The following SIPA1L1 variants were observed in gnomAD, a reference collection of about 807,000 sequenced individuals.
The protein encoded by SIPA1L1 is signal-induced proliferation-associated 1-like protein 1.
SIPA1L1 carries 26 observed loss-of-function variants against 162.7 expected under a neutral mutation model. The ratio of observed to expected loss-of-function variants is 0.16; its 90% CI spans 0.12 to 0.22. The LOEUF is 0.22. Ranked by LOEUF, SIPA1L1 falls within the 10% of genes least tolerant of loss-of-function variation. The pLI, the probability that SIPA1L1 is intolerant of heterozygous loss-of-function variation, is 1.00. For missense variants in SIPA1L1, 1,874 were observed against 2,241.0 expected (o/e 0.84, Z 3.31); for synonymous variants, 829 against 837.4 (o/e 0.99, Z 0.17).
chr14:71,730,816 G>C (rs1359107434), intron 20 of SIPA1L1, among the ~76,000 whole-genome samples: 1 of 152,200 alleles, frequency 6.6e-6, no homozygotes, highest in African/African-American at 2.4e-5. Flanking sequence ...GTTTGTGGAT[G>C]ATGGGTACCT....
At chr14:71,513,704 G>A (rs1253889663) in intron 3 of SIPA1L1, among the ~76,000 whole-genome samples, 1 of 152,066 alleles carries the variant, frequency 6.6e-6, no homozygotes, top group African/African-American at 2.4e-5. Context: ...TGTTGCCTAG[G>A]CTGGTCTCAA....
At chr14:71,374,581 T>C (rs1244823147) in intron 2 of SIPA1L1, among the ~76,000 whole-genome samples, 1 of 151,936 alleles carries the variant, frequency 6.6e-6, no homozygotes, top group African/African-American at 2.4e-5. Context: ...TTAATTTTAG[T>C]AAAGTGGTCA....
intron 12 of SIPA1L1, among the ~76,000 whole-genome samples, chr14:71,674,511 TAAC>T (rs1461738656): frequency 6.6e-6 from 1 of 152,050 alleles, no homozygotes; most frequent in Non-Finnish European, 1.5e-5. Flanking sequence ...TTAATTCTCA[TAAC>T]AACCCTCTCT....
At chr14:71,694,073 T>A (rs748556258) in intron 13 of SIPA1L1, among the ~76,000 whole-genome samples, 3 of 152,194 alleles carry the variant, frequency 2.0e-5, no homozygotes, top group Non-Finnish European at 2.9e-5. Flanking sequence ...CACTTAGAAT[T>A]CCATAGCCAT....
chr14:71,381,196 G>T (rs2039866179), intron 2 of SIPA1L1, among the ~76,000 whole-genome samples: 1 of 152,078 alleles, frequency 6.6e-6, no homozygotes, highest in Non-Finnish European at 1.5e-5. Flanking sequence ...GGGATTACAG[G>T]TGCCCACCAC....
At chr14:71,667,811 A>G (rs2044162043) in intron 10 of SIPA1L1, among the ~76,000 whole-genome samples, 1 of 152,196 alleles carries the variant, frequency 6.6e-6, no homozygotes, top group Non-Finnish European at 1.5e-5. Context: ...CATGCCTGTA[A>G]TCCCAGCAAT....
At chr14:71,419,583 C>T (rs61991253) in intron 2 of SIPA1L1, among the ~76,000 whole-genome samples, 24,319 of 149,688 alleles carry the variant, frequency 0.16, 2,550 homozygotes, top group Middle Eastern at 0.34. Flanking sequence ...CTGCAAGCTC[C>T]GCTTCCCGGG....
chr14:71,703,553 T>A (rs2082237025), intron 15 of SIPA1L1, among the ~76,000 whole-genome samples: 1 of 152,202 alleles, frequency 6.6e-6, no homozygotes, highest in Non-Finnish European at 1.5e-5. Flanking sequence ...TTCTCCACTC[T>A]TATCCTACCC....
chr14:71,667,561 G>C (rs138234540), intron 10 of SIPA1L1, among the ~76,000 whole-genome samples: 432 of 152,286 alleles, frequency 2.8e-3, no homozygotes, highest in Non-Finnish European at 5.0e-3. Flanking sequence ...CCTGTCCTTT[G>C]CCCAGATCTG....
chr14:71,417,469 CAAAAAAAAAAAAAAAA>C (rs58628136), intron 2 of SIPA1L1, among the ~76,000 whole-genome samples: 282 of 17,778 alleles, frequency 0.016, 8 homozygotes, highest in African/African-American at 0.051. Context: ...GACTCCGTCT[CAAAAAAAAAAAAAAAA>C]AAAAAAAAAA....
intron 4 of SIPA1L1, among the ~76,000 whole-genome samples, chr14:71,543,582 C>A (rs1211908172): frequency 6.6e-6 from 1 of 151,992 alleles, no homozygotes; most frequent in African/African-American, 2.4e-5. Context: ...GAACTTTTAG[C>A]TCTTCTGCTG....
intron 2 of SIPA1L1, among the ~76,000 whole-genome samples, chr14:71,488,038 A>C (rs1188274454): frequency 6.6e-6 from 1 of 152,162 alleles, no homozygotes; most frequent in South Asian, 2.1e-4. Context: ...CTATGCTTTC[A>C]CTTCTCATGG....
chr14:71,469,117 A>C (rs534372240), intron 2 of SIPA1L1, among the ~76,000 whole-genome samples: 2 of 151,844 alleles, frequency 1.3e-5, no homozygotes, highest in Non-Finnish European at 1.5e-5. Context: ...AGACCTTACC[A>C]ATCCGCAGAG....
chr14:71,529,812 C>A (rs544534447), intron 4 of SIPA1L1, among the ~76,000 whole-genome samples: 1 of 152,310 alleles, frequency 6.6e-6, no homozygotes, highest in Admixed American at 6.5e-5. Flanking sequence ...CAGAGATGGT[C>A]CTGTAATCCT....
chr14:71,359,447 G>A (rs2051191204), intron 2 of SIPA1L1, among the ~76,000 whole-genome samples: 1 of 152,108 alleles, frequency 6.6e-6, no homozygotes, highest in African/African-American at 2.4e-5. Context: ...CATATAATTT[G>A]TCTATTATGG....
chr14:71,321,097 C>G (rs1198931538), intron 1 of SIPA1L1, 25 bp from the exon 2 acceptor site: 1 of 152,078 alleles, frequency 6.6e-6, no homozygotes, highest in East Asian at 2.0e-4. Context: ...CGCCGGCCGT[C>G]TACACGGTTT....
intron 2 of SIPA1L1, among the ~76,000 whole-genome samples, chr14:71,471,776 G>A (rs975955502): frequency 7.2e-5 from 11 of 152,338 alleles, no homozygotes; most frequent in East Asian, 3.9e-4. Context: ...TAAGTTTGAC[G>A]TGCTTGGGAG....
At chr14:71,609,003 A>G (rs191943670) in intron 5 of SIPA1L1, among the ~76,000 whole-genome samples, 3 of 152,176 alleles carry the variant, frequency 2.0e-5, no homozygotes, top group African/African-American at 4.8e-5. Context: ...TGGGAATGCT[A>G]TTGATTTTAT....
In SIPA1L1 at chr14:71,671,288, C is replaced by T. The variant is rs2044487311; in HGVS notation, c.2425C>T (p.Arg809Cys). The change falls in exon 11 of 24, where the codon CGC becomes TGC. Residue 809 changes from arginine to cysteine, a missense_variant. Arg to Cys is a radical substitution (Grantham distance 180). Coordinates refer to ENST00000381232, the MANE Select transcript of SIPA1L1 (RefSeq NM_001386936.1). ...EKFRAMATRTRQEYLKDLAEK... is the reference protein window; with the variant it reads ...EKFRAMATRTCQEYLKDLAEK... ...GTTTCGGGCCATGGCAACTCGGACCCGCCAGGAATACCTGAAAGATCTGGC... is the reference window on the plus strand; with the variant it reads ...GTTTCGGGCCATGGCAACTCGGACCTGCCAGGAATACCTGAAAGATCTGGC... 1.2e-6 allele frequency: 2 copies of T among 1,614,046 alleles called. No individual in the cohort carries two copies. The highest frequency in any genetic ancestry group is 1.3e-5 in the African/African-American group (1 of 74,914).
Sources: gnomAD v4.1 joint callset for allele counts (sites outside exome capture counted in the v4.1 genomes callset) on GRCh38, gnomAD v4.1.1 for gene constraint, MANE v1.5 for transcripts, NCBI Gene and HGNC (gene_info 2026-07-23, HGNC 2026-07-21) for gene names.